Variants in MDGA1 observed in about 807,000 individuals in gnomAD.
MDGA1 encodes the protein MAM domain containing glycosylphosphatidylinositol anchor 1.
Under a neutral mutation model 101.5 loss-of-function variants are expected in MDGA1, and 54 were observed. The ratio of observed to expected loss-of-function variants is 0.53; its 90% CI spans 0.43 to 0.67. The LOEUF (loss-of-function observed/expected upper bound fraction) is 0.67. MDGA1 is among the 30% of genes least tolerant of loss of function. MDGA1 has a pLI of 0.00. For missense variants in MDGA1, 1,083 were observed against 1,323.8 expected, an observed-to-expected ratio of 0.82 and a Z score of 2.82; for synonymous variants, 533 against 558.3, an observed-to-expected ratio of 0.95 and a Z score of 0.64.
At chr6:37,642,563 G>C (rs1764114374) in intron 14 of MDGA1, among the ~76,000 whole-genome samples, 1 of 152,156 alleles carries the variant, frequency 6.6e-6, no homozygotes. Context: ...ACTGGGATGG[G>C]AGGGCGTCTG....
chr6:37,644,125 CA>C (rs1168568168), intron 13 of MDGA1, among the ~76,000 whole-genome samples, 182 bp from the exon 14 acceptor site: 1 of 36,118 alleles, frequency 2.8e-5, no homozygotes, highest in African/African-American at 5.9e-5. Context: ...CATCCTGCCT[CA>C]CCCCCACGCA....
chr6:37,652,439 C>T lies in MDGA1; in HGVS notation c.983-99G>A. On this transcript the variant is annotated intron_variant, in intron 6 of 16. Transcript: ENST00000434837. The surrounding 1 kb of genome is among the most constrained non-coding windows in gnomAD (Gnocchi z 4.3). ...GACCCAGCTTCTCCCCTCTAGCTGG[C>T]CCTTCTGGGGATAGGGGGCTACAAC... 1 of 864,344 alleles carries T rather than the reference C, an allele frequency of 1.2e-6. No homozygotes were observed. Among genetic ancestry groups the T allele is most frequent in the Non-Finnish European group, 1.8e-6 (1 of 569,242 alleles). The allele number at this position is 864,344 out of a possible 1,614,324, so 53.5% of individuals were successfully genotyped here. A position where few individuals can be genotyped will look rare whatever the true frequency, so the allele number is the denominator to read the frequency against.
intron 12 of MDGA1, 64 bp downstream of exon 12, chr6:37,645,869 T>G (rs2114008580): frequency 1.3e-6 from 2 of 1,574,816 alleles, no homozygotes; most frequent in African/African-American, 2.7e-5. Context: ...CTCCTTTCTC[T>G]CACCAGGAGA....
intron 1 of MDGA1, among the ~76,000 whole-genome samples, chr6:37,689,131 C>G (rs1234081777): frequency 6.6e-6 from 1 of 152,184 alleles, no homozygotes; most frequent in Admixed American, 6.5e-5. Flanking sequence ...CCTCCTCTCA[C>G]AGACTCTGTC....
In MDGA1 at chr6:37,695,206, G is replaced by C. The variant is rs534261120; in HGVS notation, c.67+1539C>G. Among the ~76,000 whole-genome samples the C allele has an allele frequency of 3.9e-5, 6 of 152,176 alleles. No individual in the cohort carries two copies. The South Asian group carries it at 1.2e-3, about 32-fold the overall frequency. On this transcript the variant is annotated intron_variant, in intron 1 of 16. Coordinates refer to ENST00000434837, the MANE Select transcript of MDGA1 (RefSeq NM_153487.4). ...CTCCATCACCCTCCCCAGCCCCGGG[G>C]CTGTGGTGAGAAGGCAAAGACCTCA... is the stretch of plus-strand genomic sequence containing the variant.
chr6:37,643,972 GC>G, intron 13 of MDGA1, 29 bp from the exon 14 acceptor site: 1 of 1,611,584 alleles, frequency 6.2e-7, no homozygotes, highest in Middle Eastern at 1.8e-4. Flanking sequence ...TGCGCCAACA[GC>G]CCCCAAGACA....
intron 3 of MDGA1, among the ~76,000 whole-genome samples, chr6:37,657,206 C>A (rs549565175): frequency 2.0e-5 from 3 of 152,184 alleles, no homozygotes; most frequent in African/African-American, 7.2e-5. Context: ...TTTGGCCCCA[C>A]CCCTGATCAA....
intron 2 of MDGA1, among the ~76,000 whole-genome samples, chr6:37,662,235 C>T (rs929415325): frequency 1.3e-4 from 19 of 150,638 alleles, no homozygotes; most frequent in African/African-American, 1.5e-4. Flanking sequence ...TCTACTGCAA[C>T]GGTCCAAGCG....
chr6:37,650,337 G>T lies in MDGA1; in HGVS notation c.1381C>A (p.Leu461Met). Reference protein sequence around the residue: ...VTVREGSPAELQCEVRGKPRP... With the variant: ...VTVREGSPAEMQCEVRGKPRP... Reference sequence around the variant, plus strand: ...GGCTTGCCCCGCACCTCGCATTGCAGCTCGGCAGGCGATCCCTCGCGCACG... The same window carrying T: ...GGCTTGCCCCGCACCTCGCATTGCATCTCGGCAGGCGATCCCTCGCGCACG... The change falls in exon 8 of 17, where the codon CTG becomes ATG. Residue 461 changes from leucine (L) to methionine (M), a missense_variant. Leu to Met is a conservative substitution (Grantham distance 15, BLOSUM62 2). Transcript: ENST00000434837. 2 of 1,581,848 alleles carry T rather than the reference G, an allele frequency of 1.3e-6. No homozygotes were observed.
Position 37,652,153 on chromosome 6 carries a change from A to T in MDGA1, c.1170T>A (p.Asp390Glu). 1.2e-6 allele frequency: 2 copies of T among 1,613,928 alleles called. No homozygotes were observed. ...TGCTGGTGACTGCGGGCAGCTCAGG[A>T]TCATTGCGGGTCACCAGCAGCCGCT... ...MSKRLLVTRNDPELPAVTSSL... is the reference protein window; with the variant it reads ...MSKRLLVTRNEPELPAVTSSL... Residue 390 changes from aspartate (D) to glutamate (E), a missense_variant, in exon 7 of 17, where the codon GAT becomes GAA. Physicochemically the swap from Asp to Glu is conservative, Grantham distance 45. Coordinates refer to ENST00000434837, the MANE Select transcript of MDGA1 (RefSeq NM_153487.4). The surrounding 1 kb of genome is among the most constrained non-coding windows in gnomAD (Gnocchi z 4.3).
chr6:37,696,745 C>T lies in MDGA1; in HGVS notation c.67G>A (p.Ala23Thr). 3 of 1,580,370 alleles carry T rather than the reference C, an allele frequency of 1.9e-6. No homozygotes were observed. The highest frequency in any genetic ancestry group is 2.6e-6 in the Non-Finnish European group (3 of 1,162,418). ...PFHCRGQGVYAPAQAQIVHAG... is the reference protein window; with the variant it reads ...PFHCRGQGVYTPAQAQIVHAG... ...GGTGGAGCGGGACGCGGGCTCTTAC[C>T]GTAGACTCCTTGTCCCCGGCAGTGG... Residue 23 changes from alanine (A) to threonine (T), a missense_variant and splice_region_variant, in exon 1 of 17, where the codon GCT becomes ACT. This residue lies in a region of MDGA1 where 310 missense variants were observed against 355.9 expected (regional missense o/e 0.87). Transcript: ENST00000434837. This position sits in a 1 kb window ranked among gnomAD's most constrained non-coding sequence, Gnocchi z 5.6.
intron 12 of MDGA1, 72 bp from the exon 13 acceptor site, chr6:37,644,721 A>AC (rs896596446): frequency 2.7e-5 from 37 of 1,373,176 alleles, no homozygotes; most frequent in Non-Finnish European, 3.4e-5. Context: ...CGCCCCTCTC[A>AC]CCCCCCAGAG....
chr6:37,640,372 G>C (rs547113640), intron 14 of MDGA1, among the ~76,000 whole-genome samples: 1 of 151,866 alleles, frequency 6.6e-6, no homozygotes, highest in South Asian at 2.1e-4. Flanking sequence ...TTTTCGGAGG[G>C]GGCGGTGCGG....
intron 1 of MDGA1, among the ~76,000 whole-genome samples, chr6:37,695,525 C>G (rs1204338811): frequency 2.0e-5 from 3 of 152,224 alleles, no homozygotes; most frequent in African/African-American, 7.2e-5. Context: ...TGGGCAGGGC[C>G]AGGAGCATGT....
chr6:37,689,843 C>T (rs1281953554), intron 1 of MDGA1, among the ~76,000 whole-genome samples: 1 of 152,200 alleles, frequency 6.6e-6, no homozygotes, highest in African/African-American at 2.4e-5. Context: ...TGTGTCTTGC[C>T]TTTTGCAACA....
intron 1 of MDGA1, among the ~76,000 whole-genome samples, chr6:37,675,999 G>C (rs1761970496): frequency 6.6e-6 from 1 of 152,216 alleles, no homozygotes; most frequent in Non-Finnish European, 1.5e-5. Context: ...TTCCTAACTA[G>C]AGAATGGACA....
rs1764179012 is a variant in MDGA1 at position 37,644,527 on chromosome 6, G to A, written c.2371C>T (p.Pro791Ser). 1 of 1,596,396 alleles carries A rather than the reference G, an allele frequency of 6.3e-7. No homozygotes were observed. Among genetic ancestry groups the A allele is most frequent in the African/African-American group, 1.4e-5 (1 of 74,064 alleles). The change falls in exon 13 of 17, where the codon CCC becomes TCC. Residue 791 changes from proline (P) to serine (S), a missense_variant. Physicochemically the swap from Pro to Ser is moderately conservative, Grantham distance 74. This residue lies in a region of MDGA1 where 657 missense variants were observed against 771.4 expected (regional missense o/e 0.85). Transcript: ENST00000434837. ...GGGGTGCCACTTATGTCGGTGGGGGGACCAGTGTTGGGGGAGCGTTTGGGG... is the reference window on the plus strand; with the variant it reads ...GGGGTGCCACTTATGTCGGTGGGGGAACCAGTGTTGGGGGAGCGTTTGGGG... ...QNPKRSPNTG[P>S]PTDISGTPEG...
In MDGA1 at chr6:37,635,905, G is replaced by A. The variant is rs146927198; in HGVS notation, c.*1463C>T. The A allele has an allele frequency of 1.1e-3, 447 of 397,390 alleles. No individual in the cohort carries two copies. The highest frequency in any genetic ancestry group is 8.3e-3 in the African/African-American group (406 of 48,714). The allele number at this position is 397,390 out of a possible 1,614,324, so 24.6% of individuals were successfully genotyped here. ...GGTGGACACACACGCTGACGTACACGGACATTCATAGAAACGAATGGGTCT... is the reference window on the plus strand; with the variant it reads ...GGTGGACACACACGCTGACGTACACAGACATTCATAGAAACGAATGGGTCT... On this transcript the variant is annotated 3_prime_UTR_variant, in exon 17 of 17. Coordinates refer to ENST00000434837, the MANE Select transcript of MDGA1 (RefSeq NM_153487.4).
rs762512878 is a variant in MDGA1, at chr6:37,647,293, G to A, written c.1926C>T (p.Asp642=). ...TGTGGCTGCGGGTGGGGTTGGGGGTGTCGAAGTAAAACTCCGGGCTGTAGG... is the reference window on the plus strand; with the variant it reads ...TGTGGCTGCGGGTGGGGTTGGGGGTATCGAAGTAAAACTCCGGGCTGTAGG... ...AKAYSPEFYF[D]TPNPTRSHKL... The change falls in exon 10 of 17, where the codon GAC becomes GAT. Residue 642 remains aspartate, a synonymous_variant. Transcript: ENST00000434837. The A allele has an allele frequency of 1.9e-6, 3 of 1,553,004 alleles. No individual in the cohort carries two copies. Among genetic ancestry groups the A allele is most frequent in the Non-Finnish European group, 2.6e-6 (3 of 1,147,986 alleles).
Sources: allele counts gnomAD v4.1 joint callset (sites outside exome capture counted in the v4.1 genomes callset), GRCh38; gene constraint gnomAD v4.1.1; regional missense constraint gnomAD v4.1.1; non-coding constraint Gnocchi (gnomAD v3.1); transcripts MANE v1.5; gene names NCBI Gene and HGNC (gene_info 2026-07-23, HGNC 2026-07-21).